The following PRUNE2 variants were observed in gnomAD, a reference collection of about 807,000 sequenced individuals.
The protein encoded by PRUNE2 is protein prune homolog 2.
In PRUNE2, 164 loss-of-function variants were observed where a neutral mutation model predicts 252.0. That is an observed-to-expected ratio of 0.65 (90% confidence interval 0.57 to 0.74). The LOEUF is 0.74. Among genes scored for constraint, PRUNE2 ranks in the 30% least tolerant of loss-of-function variants. The pLI is 0.00. For synonymous variants in PRUNE2, 1,292 were observed against 1,350.2 expected, an observed-to-expected ratio of 0.96 and a Z score of 0.94; for missense variants, 3,495 against 3,711.0, an observed-to-expected ratio of 0.94 and a Z score of 1.51.
chr9:76,884,865 G>A (rs1233401146), intron 1 of PRUNE2, among the ~76,000 whole-genome samples: 2 of 152,174 alleles, frequency 1.3e-5, no homozygotes, highest in Non-Finnish European at 2.9e-5. Flanking sequence ...ACTTAGAAAG[G>A]AAAGCACTAA....
rs2046501977 is a variant in PRUNE2, at chr9:76,708,904, GAGT to G, written c.3367_3369del (p.Thr1123del). On this transcript the variant is annotated inframe_deletion, in exon 8 of 19. Transcript: ENST00000376718. Reference sequence around the variant, plus strand: ...ATATCTGAGATCGTTGCAGTGGACTGAGTATCCTCCAAAATCACTCTGTTCCAC... The same window carrying G: ...ATATCTGAGATCGTTGCAGTGGACTGATCCTCCAAAATCACTCTGTTCCAC... 6 of 1,613,872 alleles carry G rather than the reference GAGT, an allele frequency of 3.7e-6. No homozygotes were observed. The highest frequency in any genetic ancestry group is 5.1e-6 in the Non-Finnish European group (6 of 1,179,902).
intron 9 of PRUNE2, among the ~76,000 whole-genome samples, chr9:76,668,138 A>C (rs1206518259): frequency 1.3e-5 from 2 of 152,250 alleles, no homozygotes; most frequent in African/African-American, 4.8e-5. Flanking sequence ...TGTAGTCATC[A>C]AAATTTTAAA....
chr9:76,713,631 G>C lies in PRUNE2; in HGVS notation c.847C>G (p.Leu283Val), dbSNP rs753629084. The C allele has an allele frequency of 2.5e-6, 4 of 1,603,304 alleles. No homozygotes were observed. The African/African-American group carries it at 5.3e-5, about 21-fold the overall frequency. ...FDVLILFSSY[L>V]SEEQQPRRQI... The stretch of plus-strand genomic sequence containing the variant: ...CGTCTCGGCTGCTGCTCCTCTGACA[G>C]ATAGCTGGAGAACAGGATGAGGACA... Residue 283 changes from leucine to valine, a missense_variant, in exon 7 of 19, where the codon CTG becomes GTG. Transcript: ENST00000376718.
In PRUNE2 at chr9:76,707,944, T is replaced by C; in HGVS notation, c.4330A>G (p.Thr1444Ala). 6.2e-7 allele frequency: 1 copy of C among 1,613,942 alleles called. No individual in the cohort carries two copies. Among genetic ancestry groups the C allele is most frequent in the Non-Finnish European group, 8.5e-7 (1 of 1,179,874 alleles). The part of the protein sequence containing the change: ...LMSQRNSGET[T>A]ETSDGMNFTK... ...AAATTCATCCCATCTGAAGTCTCAG[T>C]AGTTTCACCTGAATTTCTTTGACTC... The change falls in exon 8 of 19, where the codon ACT (threonine) becomes GCT (alanine). Residue 1444 changes from threonine (T) to alanine (A), a missense_variant. Thr to Ala is a moderately conservative substitution (Grantham distance 58). Coordinates refer to ENST00000376718, the MANE Select transcript of PRUNE2 (RefSeq NM_015225.3).
At chr9:76,756,187 T>C (rs1032907709) in intron 6 of PRUNE2, among the ~76,000 whole-genome samples, 1 of 152,228 alleles carries the variant, frequency 6.6e-6, no homozygotes, top group Admixed American at 6.5e-5. Context: ...CCCCAACTAA[T>C]GAGAGGTCAT....
At chr9:76,657,059 A>G (rs555053008) in intron 9 of PRUNE2, among the ~76,000 whole-genome samples, 1 of 152,344 alleles carries the variant, frequency 6.6e-6, no homozygotes, top group East Asian at 1.9e-4. Flanking sequence ...GATCTGCACC[A>G]GGCCCCAGTT....
At chr9:76,756,159 GATGA>G (rs2051129710) in intron 6 of PRUNE2, among the ~76,000 whole-genome samples, 1 of 152,178 alleles carries the variant, frequency 6.6e-6, no homozygotes, top group South Asian at 2.1e-4. Context: ...GAGCCATTTT[GATGA>G]ATATCTGAAA....
In PRUNE2 at chr9:76,709,376, A is replaced by G. The variant is rs2134965892; in HGVS notation, c.2898T>C (p.Asn966=). The G allele has an allele frequency of 6.2e-7, 1 of 1,613,950 alleles. No homozygotes were observed. Among genetic ancestry groups the G allele is most frequent in the East Asian group, 2.2e-5 (1 of 44,882 alleles). Residue 966 remains asparagine (N), a synonymous_variant, in exon 8 of 19, where the codon AAT becomes AAC. Transcript: ENST00000376718. ...EDSVPSPLDT[N]YSTSDSYTSP... ...ATGTGTAAGAGTCTGAGGTGGAATA[A>G]TTGGTATCTAAGGGGGAAGGCACCG...
chr9:76,729,814 G>C (rs2048410371), intron 6 of PRUNE2, among the ~76,000 whole-genome samples: 1 of 151,674 alleles, frequency 6.6e-6, no homozygotes, highest in Non-Finnish European at 1.5e-5. Flanking sequence ...CAACTTCTTT[G>C]TTGCAGCCAT....
At chr9:76,860,437 C>T (rs2060486827) in intron 1 of PRUNE2, among the ~76,000 whole-genome samples, 1 of 152,068 alleles carries the variant, frequency 6.6e-6, no homozygotes, top group South Asian at 2.1e-4. Flanking sequence ...AAATGACTTA[C>T]TGCCTTAAAA....
intron 9 of PRUNE2, among the ~76,000 whole-genome samples, chr9:76,667,735 C>T (rs898085632): frequency 3.9e-5 from 6 of 152,154 alleles, no homozygotes; most frequent in African/African-American, 1.4e-4. Flanking sequence ...GGGAGGGTTG[C>T]CTTTGACTTT....
chr9:76,625,687 C>A (rs1341580430), intron 16 of PRUNE2, among the ~76,000 whole-genome samples: 1 of 152,128 alleles, frequency 6.6e-6, no homozygotes, highest in African/African-American at 2.4e-5. Context: ...CTTTTTGGGT[C>A]ACTTGTGGAC....
At chr9:76,810,640 T>C (rs2057295458) in intron 6 of PRUNE2, among the ~76,000 whole-genome samples, 1 of 152,244 alleles carries the variant, frequency 6.6e-6, no homozygotes, top group Admixed American at 6.5e-5. Flanking sequence ...AAAAGAGATG[T>C]CTATCCTACA....
Position 76,711,149 on chromosome 9 carries a change from A to T in PRUNE2, c.1125T>A (p.Ser375Arg). The change falls in exon 8 of 19, where the codon AGT becomes AGA. Residue 375 changes from serine to arginine, a missense_variant. Physicochemically the swap from Ser to Arg is moderately radical, Grantham distance 110. Coordinates refer to ENST00000376718, the MANE Select transcript of PRUNE2 (RefSeq NM_015225.3). ...CAGAAGACCCCTGGGAGAGGGGGGC[A>T]CTGCCTGCCACGGCTTCTGTTGAGG... ...RTSSTEAVAG[S>R]APLSQGSSGI... is the part of the protein sequence containing the mutation. The T allele has an allele frequency of 1.9e-6, 3 of 1,613,928 alleles. No homozygotes were observed. Among genetic ancestry groups the T allele is most frequent in the Non-Finnish European group, 2.5e-6 (3 of 1,179,862 alleles).
chr9:76,794,495 G>GTCCCAGC (rs2055870566), intron 6 of PRUNE2, among the ~76,000 whole-genome samples: 1 of 151,480 alleles, frequency 6.6e-6, no homozygotes, highest in Non-Finnish European at 1.5e-5. Context: ...GGCGCCTGTA[G>GTCCCAGC]TCCCAGCTAC....
At chr9:76,688,743 T>A (rs1483409554) in intron 9 of PRUNE2, among the ~76,000 whole-genome samples, 1 of 152,198 alleles carries the variant, frequency 6.6e-6, no homozygotes, top group Admixed American at 6.5e-5. Context: ...CAGCTTTCCA[T>A]TGCTGACAAA....
In PRUNE2 at chr9:76,846,680, T is replaced by C; in HGVS notation, c.345-2A>G. 1 of 1,612,160 alleles carries C rather than the reference T, an allele frequency of 6.2e-7. No individual in the cohort carries two copies. The highest frequency in any genetic ancestry group is 1.3e-5 in the African/African-American group (1 of 75,036). ...GCTGATTCTAAAGTTTTGTCTTCACTGTAAAGCAAATGGAGGGGAGGAAGA... is the reference window on the plus strand; with the variant it reads ...GCTGATTCTAAAGTTTTGTCTTCACCGTAAAGCAAATGGAGGGGAGGAAGA... On this transcript the variant is annotated splice_acceptor_variant, in intron 3 of 18. Transcript: ENST00000376718. LOFTEE classifies it high-confidence loss of function.
At chr9:76,881,160 G>T (rs1436462974) in intron 1 of PRUNE2, among the ~76,000 whole-genome samples, 1 of 151,868 alleles carries the variant, frequency 6.6e-6, no homozygotes, top group Non-Finnish European at 1.5e-5. Context: ...TAGAGACAGG[G>T]TTTCACCATA....
At chr9:76,789,313 A>G (rs2055329487) in intron 6 of PRUNE2, among the ~76,000 whole-genome samples, 3 of 152,078 alleles carry the variant, frequency 2.0e-5, no homozygotes, top group Non-Finnish European at 4.4e-5. Context: ...TATTATTCCC[A>G]TTTTACAAAA....
Sources: gnomAD v4.1 joint callset for allele counts (sites outside exome capture counted in the v4.1 genomes callset) on GRCh38, gnomAD v4.1.1 for gene constraint, MANE v1.5 for transcripts, NCBI Gene and HGNC (gene_info 2026-07-23, HGNC 2026-07-21) for gene names.